The following FHOD3 variants were observed in gnomAD, a reference collection of about 807,000 sequenced individuals.
FHOD3 encodes the protein FH1/FH2 domain-containing protein 3.
FHOD3 carries 90 observed loss-of-function variants against 173.0 expected under a neutral mutation model. The observed-to-expected ratio is 0.52, with a 90% confidence interval of 0.44 to 0.62. The LOEUF (loss-of-function observed/expected upper bound fraction) is 0.62. Among genes scored for constraint, FHOD3 ranks in the 20% least tolerant of loss-of-function variants. The probability of loss-of-function intolerance (pLI) is 0.00; values close to 1 mark genes in which losing one functional copy is unlikely to be tolerated. For synonymous variants in FHOD3, 828 were observed against 823.0 expected (o/e 1.01, Z -0.10); for missense variants, 1,945 against 2,034.7 (o/e 0.96, Z 0.85).
At chr18:36,576,385 A>G in intron 5 of FHOD3, 66 bp from the exon 6 acceptor site, 5 of 1,166,062 alleles carry the variant, frequency 4.3e-6, no homozygotes, top group Non-Finnish European at 6.2e-6. Flanking sequence ...GATCAGCATT[A>G]TGATCACTGA....
intron 3 of FHOD3, among the ~76,000 whole-genome samples, chr18:36,446,439 G>A (rs1250216684): frequency 4.0e-5 from 6 of 149,656 alleles, no homozygotes; most frequent in East Asian, 2.0e-4. Flanking sequence ...TTTCCAGTGC[G>A]CTGTCTCGTC....
intron 14 of FHOD3, among the ~76,000 whole-genome samples, chr18:36,666,176 T>A (rs918990187): frequency 6.6e-6 from 1 of 152,212 alleles, no homozygotes; most frequent in African/African-American, 2.4e-5. Context: ...TTCCTTCCCA[T>A]GGCCAAGGAG....
intron 2 of FHOD3, among the ~76,000 whole-genome samples, chr18:36,370,344 A>G (rs1343040781): frequency 6.6e-6 from 1 of 151,510 alleles, no homozygotes; most frequent in Non-Finnish European, 1.5e-5. Flanking sequence ...TTTTTCTTCT[A>G]TGCTCTCTTA....
intron 18 of FHOD3, 129 bp downstream of exon 18, chr18:36,709,520 T>C: frequency 9.9e-7 from 1 of 1,010,786 alleles, no homozygotes; most frequent in East Asian, 2.6e-5. Flanking sequence ...TGTGGCTGTG[T>C]CACCCAGTGT....
chr18:36,522,191 A>G (rs1240925677), intron 5 of FHOD3, among the ~76,000 whole-genome samples: 1 of 152,242 alleles, frequency 6.6e-6, no homozygotes, highest in Admixed American at 6.5e-5. Context: ...CTTGAGAGCC[A>G]GGCATGTTTT....
At chr18:36,335,903 G>T (rs2045284042) in intron 1 of FHOD3, among the ~76,000 whole-genome samples, 1 of 152,162 alleles carries the variant, frequency 6.6e-6, no homozygotes, top group African/African-American at 2.4e-5. Context: ...TTCCATGAGG[G>T]TGCATGAGGC....
chr18:36,327,194 T>C (rs1186821409), intron 1 of FHOD3, among the ~76,000 whole-genome samples: 1 of 152,218 alleles, frequency 6.6e-6, no homozygotes, highest in East Asian at 1.9e-4. Context: ...AATCATTGAC[T>C]TCATCACCTT....
At chr18:36,358,805 T>A (rs1598829614) in intron 2 of FHOD3, among the ~76,000 whole-genome samples, 1 of 152,264 alleles carries the variant, frequency 6.6e-6, no homozygotes, top group East Asian at 1.9e-4. Context: ...CTAATTTTTG[T>A]ATTTTTTTGT....
intron 8 of FHOD3, among the ~76,000 whole-genome samples, chr18:36,609,965 C>A (rs989232145): frequency 6.6e-6 from 1 of 152,158 alleles, no homozygotes; most frequent in Non-Finnish European, 1.5e-5. Flanking sequence ...GATTCCCTCA[C>A]CCTTTATGGT....
At position 36,681,562 on chromosome 18, in the gene FHOD3, C is replaced by A; in HGVS notation, c.1962C>A (p.Asn654Lys). ...RLQRIEREER[N>K]KFSRDYLDKR... ...AGAGAATAGAGCGGGAAGAAAGAAACAAATTCAGGTAAGAAGGATCTTAAG... is the reference window on the plus strand; with the variant it reads ...AGAGAATAGAGCGGGAAGAAAGAAAAAAATTCAGGTAAGAAGGATCTTAAG... The change falls in exon 15 of 29, where the codon AAC (asparagine) becomes AAA (lysine). Residue 654 changes from asparagine to lysine, a missense_variant. Physicochemically the swap from Asn to Lys is moderately conservative, Grantham distance 94. Coordinates refer to ENST00000590592, the MANE Select transcript of FHOD3 (RefSeq NM_001281740.3). 6.2e-7 allele frequency: 1 copy of A among 1,612,668 alleles called. No individual in the cohort carries two copies. Among genetic ancestry groups the A allele is most frequent in the Non-Finnish European group, 8.5e-7 (1 of 1,179,386 alleles).
chr18:36,362,940 A>G (rs574806016), intron 2 of FHOD3, among the ~76,000 whole-genome samples: 12 of 152,386 alleles, frequency 7.9e-5, no homozygotes, highest in Admixed American at 2.6e-4. Flanking sequence ...AAGCACTCTT[A>G]AAATTTAATA....
chr18:36,749,508 C>T (rs142738600), intron 24 of FHOD3, among the ~76,000 whole-genome samples: 158 of 152,280 alleles, frequency 1.0e-3, no homozygotes, highest in African/African-American at 3.8e-3. Context: ...AAGACATGAT[C>T]GTGTTCTTTC....
intron 1 of FHOD3, among the ~76,000 whole-genome samples, chr18:36,352,483 C>A (rs571650212): frequency 6.6e-6 from 1 of 152,316 alleles, no homozygotes; most frequent in Middle Eastern, 3.4e-3. Context: ...CTCTTTCTAA[C>A]CCCATGCTCA....
intron 20 of FHOD3, among the ~76,000 whole-genome samples, chr18:36,737,381 T>A (rs961823896): frequency 6.6e-6 from 1 of 152,226 alleles, no homozygotes; most frequent in Non-Finnish European, 1.5e-5. Context: ...AAGCATTTAT[T>A]TTGAAGACTA....
intron 19 of FHOD3, among the ~76,000 whole-genome samples, chr18:36,728,086 A>G: frequency 6.6e-6 from 1 of 152,212 alleles, no homozygotes; most frequent in African/African-American, 2.4e-5. Flanking sequence ...CTTTTTAATC[A>G]GGAAAACAAA....
intron 13 of FHOD3, 117 bp from the exon 14 acceptor site, chr18:36,657,958 A>C (rs2036530862): frequency 1.5e-6 from 1 of 688,284 alleles, no homozygotes; most frequent in African/African-American, 1.9e-5. Context: ...TAACAGTGGT[A>C]GCATTTCCAG....
At chr18:36,731,121 CGTATGTTTAAAAAACCAT>C (rs962063842) in intron 20 of FHOD3, among the ~76,000 whole-genome samples, 8 of 152,142 alleles carry the variant, frequency 5.3e-5, no homozygotes, top group Admixed American at 3.9e-4. Context: ...TTTTAAACCA[CGTATGTTTAAAAAACCAT>C]ACCTTTCAAA....
At chr18:36,627,591 A>C (rs2034204800) in intron 10 of FHOD3, among the ~76,000 whole-genome samples, 1 of 152,108 alleles carries the variant, frequency 6.6e-6, no homozygotes, top group African/African-American at 2.4e-5. Flanking sequence ...CTTCAACATT[A>C]ATTTAGTAGC....
At chr18:36,584,761 C>T (rs1434493284) in intron 6 of FHOD3, among the ~76,000 whole-genome samples, 3 of 152,014 alleles carry the variant, frequency 2.0e-5, no homozygotes, top group Non-Finnish European at 2.9e-5. Flanking sequence ...AACACATAGA[C>T]CCCTTCTCAA....
Sources: allele counts gnomAD v4.1 joint callset (sites outside exome capture counted in the v4.1 genomes callset), GRCh38; gene constraint gnomAD v4.1.1; transcripts MANE v1.5; gene names NCBI Gene and HGNC (gene_info 2026-07-23, HGNC 2026-07-21).